The following MTF2 variants were observed in gnomAD, a reference collection of about 807,000 sequenced individuals.
The protein encoded by MTF2 is metal response element binding transcription factor 2.
A neutral mutation model predicts 79.5 loss-of-function variants in MTF2; 11 were observed. The ratio of observed to expected loss-of-function variants is 0.14; its 90% confidence interval spans 0.09 to 0.23. The LOEUF (loss-of-function observed/expected upper bound fraction) is 0.23, where lower values mean the gene tolerates loss of function less well. Ranked by LOEUF, MTF2 falls within the 10% of genes least tolerant of loss-of-function variation. MTF2 has a pLI of 1.00. For missense variants in MTF2, 486 were observed against 711.2 expected, an observed-to-expected ratio of 0.68 and a Z score of 3.60; for synonymous variants, 208 against 232.8, an observed-to-expected ratio of 0.89 and a Z score of 0.97.
At chr1:93,126,732 A>G (rs1257313551) in intron 9 of MTF2, among the ~76,000 whole-genome samples, 1 of 152,088 alleles carries the variant, frequency 6.6e-6, no homozygotes, top group African/African-American at 2.4e-5. Flanking sequence ...TCTCAATTTT[A>G]CAGTATTCTA....
intron 11 of MTF2, among the ~76,000 whole-genome samples, chr1:93,132,016 A>T (rs779794285): frequency 7.2e-6 from 1 of 138,714 alleles, no homozygotes; most frequent in East Asian, 2.2e-4. Flanking sequence ...TTAAGGGTCA[A>T]TTAAGGGTAT....
At chr1:93,116,967 C>T (rs773210013) in intron 6 of MTF2, among the ~76,000 whole-genome samples, 5 of 151,386 alleles carry the variant, frequency 3.3e-5, no homozygotes, top group African/African-American at 4.9e-5. Context: ...TTTTGGTGGC[C>T]CAAAATAGTT....
At chr1:93,118,268 T>C in intron 6 of MTF2, 77 bp from the exon 7 acceptor site, 1 of 874,756 alleles carries the variant, frequency 1.1e-6, no homozygotes, top group East Asian at 2.8e-5. Context: ...CCACTTTTTT[T>C]TTTTTTTTTT....
intron 1 of MTF2, among the ~76,000 whole-genome samples, chr1:93,101,972 GC>G (rs1238376760): frequency 3.9e-5 from 6 of 152,022 alleles, no homozygotes; most frequent in African/African-American, 1.4e-4. Flanking sequence ...GAAACTATAT[GC>G]CCGTTGTATA....
intron 1 of MTF2, 64 bp downstream of exon 1, chr1:93,079,595 G>A (rs1654509918): frequency 9.0e-6 from 14 of 1,563,948 alleles, no homozygotes; most frequent in Non-Finnish European, 1.1e-5. Context: ...GAAGGAGGAA[G>A]AAAGGAAGCA....
chr1:93,117,717 A>G (rs1479310340), intron 6 of MTF2, among the ~76,000 whole-genome samples: 2 of 152,142 alleles, frequency 1.3e-5, no homozygotes, highest in South Asian at 4.1e-4. Flanking sequence ...CCTGGGGTTT[A>G]GAGAGTTGAT....
At chr1:93,108,451 C>G (rs952528197) in intron 1 of MTF2, among the ~76,000 whole-genome samples, 2 of 152,112 alleles carry the variant, frequency 1.3e-5, no homozygotes, top group African/African-American at 4.8e-5. Flanking sequence ...ATATAAGATT[C>G]TCTGGTGACA....
Position 93,104,102 on chromosome 1 carries a change from CTTTT to C in MTF2, c.6-6113_6-6110del, listed in dbSNP as rs781525518. 2.4e-5 allele frequency among the ~76,000 whole-genome samples: 3 copies of C among 125,418 alleles called. No homozygotes were observed. In the South Asian group the frequency reaches 7.6e-4, roughly 32 times the overall value. The allele number at this position is 125,418 out of a possible 152,430, so 82.3% of individuals were successfully genotyped here. A position where few individuals can be genotyped will look rare whatever the true frequency, so the allele number is the denominator to read the frequency against. On this transcript the variant is annotated intron_variant, in intron 1 of 14. Coordinates refer to ENST00000370298, the MANE Select transcript of MTF2 (RefSeq NM_007358.4). The stretch of plus-strand genomic sequence containing the variant: ...CACAGGCGTATGCCACTACACCCAG[CTTTT>C]TTTTTTTTTTTTTTGTAGAGACAAG...
chr1:93,101,568 G>GTGTTTTTTTTT (rs1655536242), intron 1 of MTF2, among the ~76,000 whole-genome samples: 1 of 25,398 alleles, frequency 3.9e-5, no homozygotes, highest in East Asian at 1.3e-3. Flanking sequence ...GCTCAGGCTG[G>GTGTTTTTTTTT]TTTTTTTTTT....
intron 1 of MTF2, 145 bp from the exon 2 acceptor site, chr1:93,110,085 G>T (rs1032518680): frequency 2.7e-6 from 2 of 741,496 alleles, no homozygotes; most frequent in Non-Finnish European, 4.3e-6. Context: ...TGTTTGGAGA[G>T]TATTTATGAT....
intron 9 of MTF2, among the ~76,000 whole-genome samples, chr1:93,123,517 T>G (rs539675954): frequency 6.6e-6 from 1 of 152,210 alleles, no homozygotes; most frequent in Non-Finnish European, 1.5e-5. Context: ...GAGAAAAAAT[T>G]TTGTAATGAT....
intron 6 of MTF2, 24 bp downstream of exon 6, chr1:93,115,642 T>A: frequency 6.8e-7 from 1 of 1,480,184 alleles, no homozygotes; most frequent in Non-Finnish European, 9.0e-7. Context: ...GTTATGTAAT[T>A]CCCTTTAAGT....
Position 93,119,414 on chromosome 1 carries a change from CT to C in MTF2, c.797+16del. Reference sequence around the variant, plus strand: ...TACCATTACAGTGGTAAGTGTGGACCTTTCTGTTAAAAGAAAGAAAAGCCAT... The same window carrying C: ...TACCATTACAGTGGTAAGTGTGGACCTTCTGTTAAAAGAAAGAAAAGCCAT... On this transcript the variant is annotated intron_variant, in intron 8 of 14. Transcript: ENST00000370298. 1 of 1,563,394 alleles carries C rather than the reference CT, an allele frequency of 6.4e-7. No individual in the cohort carries two copies. The highest frequency in any genetic ancestry group is 2.3e-5 in the East Asian group (1 of 43,930).
chr1:93,090,482 A>G (rs1261335800), intron 1 of MTF2, among the ~76,000 whole-genome samples: 3 of 151,478 alleles, frequency 2.0e-5, no homozygotes, highest in Non-Finnish European at 4.4e-5. Context: ...TCCTGACCTC[A>G]GGTGATCTGC....
At chr1:93,129,124 C>T (rs191314032) in intron 10 of MTF2, 154 bp from the exon 11 acceptor site, 1,118 of 460,580 alleles carry the variant, frequency 2.4e-3, no homozygotes, top group Non-Finnish European at 3.7e-3. Flanking sequence ...GGCTCTGGGG[C>T]AGATAAAAAT....
At chr1:93,129,633 T>G (rs1656840236) in intron 11 of MTF2, among the ~76,000 whole-genome samples, 185 bp downstream of exon 11, 1 of 151,948 alleles carries the variant, frequency 6.6e-6, no homozygotes, top group East Asian at 1.9e-4. Flanking sequence ...AGATGCTTGT[T>G]TATTTATTTT....
At chr1:93,095,792 A>G (rs1655265480) in intron 1 of MTF2, among the ~76,000 whole-genome samples, 1 of 151,406 alleles carries the variant, frequency 6.6e-6, no homozygotes, top group Non-Finnish European at 1.5e-5. Context: ...AATAGCTGGG[A>G]CTACAGGTGC....
At chr1:93,120,372 A>AT in intron 8 of MTF2, 177 bp from the exon 9 acceptor site, 1 of 452,714 alleles carries the variant, frequency 2.2e-6, no homozygotes, top group Non-Finnish European at 3.7e-6. Context: ...GAATAAGTGA[A>AT]TGTTTAGTCA....
chr1:93,130,415 A>G (rs551221735), intron 11 of MTF2, among the ~76,000 whole-genome samples: 1 of 152,246 alleles, frequency 6.6e-6, no homozygotes, highest in East Asian at 1.9e-4. Context: ...CATCTCTACT[A>G]AAATTACAAA....
Sources: allele counts gnomAD v4.1 joint callset (sites outside exome capture counted in the v4.1 genomes callset), GRCh38; gene constraint gnomAD v4.1.1; transcripts MANE v1.5; gene names NCBI Gene and HGNC (gene_info 2026-07-23, HGNC 2026-07-21).